Variants in VWF observed in about 807,000 individuals in gnomAD.
VWF encodes Factor VIII related antigen.
In VWF, 176 loss-of-function variants were observed where a neutral mutation model predicts 308.6. That is an observed-to-expected ratio of 0.57 (90% CI 0.50 to 0.65). The LOEUF is 0.65. Among genes scored for constraint, VWF ranks in the 30% least tolerant of loss-of-function variants. VWF has a pLI of 0.00. For missense variants in VWF, 3,146 were observed against 3,648.2 expected (o/e 0.86, Z 3.55); for synonymous variants, 1,385 against 1,443.4 (o/e 0.96, Z 0.92).
chr12:6,112,542 T>C (rs1267628911), intron 3 of VWF, among the ~76,000 whole-genome samples: 1 of 152,084 alleles, frequency 6.6e-6, no homozygotes, highest in African/African-American at 2.4e-5. Context: ...CCTGAAGGAA[T>C]GGGGCATAGG....
At chr12:6,080,185 G>A (rs1944894174) in intron 6 of VWF, among the ~76,000 whole-genome samples, 1 of 152,176 alleles carries the variant, frequency 6.6e-6, no homozygotes, top group African/African-American at 2.4e-5. Context: ...CATTTCTGTG[G>A]CCGTCTCCTC....
chr12:6,032,821 C>T (rs1944283880), intron 20 of VWF, among the ~76,000 whole-genome samples: 1 of 151,900 alleles, frequency 6.6e-6, no homozygotes, highest in Non-Finnish European at 1.5e-5. Context: ...CATACACACA[C>T]TCACACACGT....
chr12:6,051,713 A>C (rs1591885819), intron 16 of VWF, among the ~76,000 whole-genome samples: 1 of 152,112 alleles, frequency 6.6e-6, no homozygotes, highest in African/African-American at 2.4e-5. Flanking sequence ...GGGCTCAAGC[A>C]ATCTTCCCAC....
Position 5,994,559 on chromosome 12 carries a change from T to C in VWF, c.6112A>G (p.Met2038Val), listed in dbSNP as rs752835830. ...ATGGCACCATAAACGTTGACTTCCA[T>C]GTTCCCACCCACGTAAGGAACAGAG... ...LVSVPYVGGN[M>V]EVNVYGAIMH... The change falls in exon 36 of 52, where the codon ATG (methionine) becomes GTG (valine). Residue 2038 changes from methionine to valine, a missense_variant. By Grantham distance (21) the Met-to-Val change is conservative. Coordinates refer to ENST00000261405, the MANE Select transcript of VWF (RefSeq NM_000552.5). 24 of 1,613,896 alleles carry C rather than the reference T, an allele frequency of 1.5e-5. No individual in the cohort carries two copies. The highest frequency in any genetic ancestry group is 1.7e-5 in the Admixed American group (1 of 60,002).
chr12:6,036,689 C>T (rs984188041), intron 18 of VWF, among the ~76,000 whole-genome samples, 198 bp from the exon 19 acceptor site: 20 of 152,214 alleles, frequency 1.3e-4, no homozygotes, highest in Admixed American at 1.2e-3. Context: ...TATGCCCAGG[C>T]CAGGGCTTGG....
intron 47 of VWF, among the ~76,000 whole-genome samples, chr12:5,966,902 C>A (rs1214850947): frequency 6.6e-6 from 1 of 152,246 alleles, no homozygotes; most frequent in Admixed American, 6.5e-5. Context: ...AAAGTCACAG[C>A]TGAAACCCAC....
chr12:6,100,032 A>C (rs1030099819), intron 5 of VWF, among the ~76,000 whole-genome samples: 18 of 151,968 alleles, frequency 1.2e-4, no homozygotes, highest in African/African-American at 4.1e-4. Context: ...CAATGAACTC[A>C]AACAAATTTA....
intron 12 of VWF, 123 bp downstream of exon 12, chr12:6,064,123 C>CT: frequency 5.3e-6 from 8 of 1,516,372 alleles, no homozygotes; most frequent in Non-Finnish European, 7.3e-6. Context: ...AAAAATAACT[C>CT]TCCATCACAT....
chr12:6,056,332 G>C (rs575878484), intron 15 of VWF, among the ~76,000 whole-genome samples: 1 of 102,338 alleles, frequency 9.8e-6, no homozygotes, highest in Non-Finnish European at 2.1e-5. Flanking sequence ...ACAGTGCAGA[G>C]TGAGAATCTA....
At chr12:5,958,347 T>C (rs897964341) in intron 47 of VWF, among the ~76,000 whole-genome samples, 1 of 152,196 alleles carries the variant, frequency 6.6e-6, no homozygotes, top group Admixed American at 6.5e-5. Context: ...AGAAGAAAGA[T>C]GTAATAGACA....
rs1231870083 is a variant in VWF, at chr12:6,024,878, C to G, written c.3222+702G>C. Reference sequence around the variant, plus strand: ...ACTCTACTAAAAATACAAAAATTAGCTGGGCGTGGTGGCAGGTGCCTGTAA... The same window carrying G: ...ACTCTACTAAAAATACAAAAATTAGGTGGGCGTGGTGGCAGGTGCCTGTAA... On this transcript the variant is annotated intron_variant, in intron 24 of 51. Coordinates refer to ENST00000261405, the MANE Select transcript of VWF (RefSeq NM_000552.5). This position sits in a 1 kb window ranked among gnomAD's most constrained non-coding sequence, Gnocchi z 4.0. 6.6e-6 allele frequency among the ~76,000 whole-genome samples: 1 copy of G among 152,110 alleles called. No homozygotes were observed. Among genetic ancestry groups the G allele is most frequent in the Admixed American group, 6.5e-5 (1 of 15,278 alleles).
chr12:6,036,493 T>A lies in VWF; in HGVS notation c.2443-2A>T. On this transcript the variant is annotated splice_acceptor_variant, in intron 18 of 51. Transcript: ENST00000261405. LOFTEE classifies it high-confidence loss of function. ...CACACATCTGTTCTCATGCCGGACC[T>A]AAGAGAAAAGAATCCAAAAGTCCTC... The A allele has an allele frequency of 6.2e-7, 1 of 1,614,094 alleles. No individual in the cohort carries two copies. Among genetic ancestry groups the A allele is most frequent in the Non-Finnish European group, 8.5e-7 (1 of 1,179,960 alleles).
At chr12:5,992,099 T>C (rs1943752088) in intron 37 of VWF, 81 bp from the exon 38 acceptor site, 1 of 1,380,590 alleles carries the variant, frequency 7.2e-7, no homozygotes, top group South Asian at 1.2e-5. Context: ...ACATGGTTAA[T>C]CATCAGACAA....
chr12:6,057,198 A>G, intron 14 of VWF, 126 bp from the exon 15 acceptor site: 1 of 837,002 alleles, frequency 1.2e-6, no homozygotes, highest in Non-Finnish European at 1.8e-6. Context: ...ACGCAGAGAA[A>G]TCTGCAAATG....
intron 11 of VWF, 115 bp downstream of exon 11, chr12:6,065,022 T>A: frequency 6.8e-7 from 1 of 1,472,092 alleles, no homozygotes; most frequent in Non-Finnish European, 9.3e-7. Context: ...GGAAGAGACC[T>A]CCCTCATGCA....
At chr12:6,079,370 G>A (rs961190919) in intron 6 of VWF, among the ~76,000 whole-genome samples, 1 of 152,294 alleles carries the variant, frequency 6.6e-6, no homozygotes, top group East Asian at 1.9e-4. Flanking sequence ...ACTTTTGGAG[G>A]CCAAGGCGGG....
At chr12:6,053,612 G>A (rs1467522014) in intron 15 of VWF, among the ~76,000 whole-genome samples, 4 of 152,096 alleles carry the variant, frequency 2.6e-5, no homozygotes, top group East Asian at 1.9e-4. Flanking sequence ...AAGTGGCAAC[G>A]CAGCTAAGGG....
chr12:6,036,520 G>A (rs1196069455), intron 18 of VWF, 29 bp from the exon 19 acceptor site: 5 of 1,604,672 alleles, frequency 3.1e-6, no homozygotes, highest in Non-Finnish European at 4.3e-6. Context: ...AAAGTCCTCA[G>A]GGCCACAGTG....
intron 42 of VWF, among the ~76,000 whole-genome samples, chr12:5,980,135 G>A (rs113467261): frequency 8.5e-4 from 90 of 105,812 alleles, no homozygotes; most frequent in East Asian, 2.0e-3. Context: ...AGGAAGGAAG[G>A]AAGAAAGGAG....
Sources: allele counts gnomAD v4.1 joint callset (sites outside exome capture counted in the v4.1 genomes callset), GRCh38; gene constraint gnomAD v4.1.1; non-coding constraint Gnocchi (gnomAD v3.1); transcripts MANE v1.5; gene names NCBI Gene and HGNC (gene_info 2026-07-23, HGNC 2026-07-21).